The following SLC39A11 variants were observed in gnomAD, a reference collection of about 807,000 sequenced individuals.
SLC39A11 encodes the protein solute carrier family 39 member 11, also known as zinc transporter ZIP11.
A neutral mutation model predicts 36.1 loss-of-function variants in SLC39A11; 33 were observed. The observed-to-expected ratio is 0.91, with a 90% confidence interval of 0.69 to 1.22. The LOEUF is 1.22. Among genes scored for constraint, SLC39A11 ranks in the 50% most tolerant of loss-of-function variants. The pLI is 0.00. For missense variants in SLC39A11, 432 were observed against 430.3 expected, an observed-to-expected ratio of 1.00 and a Z score of -0.03; for synonymous variants, 166 against 170.3, an observed-to-expected ratio of 0.97 and a Z score of 0.20.
rs1269345784 is a variant in SLC39A11 at position 72,759,124 on chromosome 17, A to AATG, written c.602-22406_602-22405insCAT. Among the ~76,000 whole-genome samples, 3 of 151,716 alleles carry AATG rather than the reference A, an allele frequency of 2.0e-5. No homozygotes were observed. In the East Asian group the frequency reaches 5.8e-4, roughly 29 times the overall value. ...TAAAAATAATAACAATAATAATAATAATAATAAATAATCTTGGAAAACAAT... is the reference window on the plus strand; with the variant it reads ...TAAAAATAATAACAATAATAATAATAATGATAATAAATAATCTTGGAAAACAAT... On this transcript the variant is annotated intron_variant, in intron 6 of 9. Transcript: ENST00000255559.
intron 3 of SLC39A11, among the ~76,000 whole-genome samples, chr17:73,050,528 A>G (rs1050453560): frequency 1.3e-5 from 2 of 150,164 alleles, no homozygotes; most frequent in Non-Finnish European, 3.0e-5. Flanking sequence ...CAGTGGCTCA[A>G]TCTTGGCTCA....
chr17:72,659,574 C>CTTTT lies in SLC39A11; in HGVS notation c.672-10310_672-10307dup, dbSNP rs34383683. Among the ~76,000 whole-genome samples the CTTTT allele has an allele frequency of 8.1e-3, 494 of 61,182 alleles. 18 individuals carry two copies. The highest frequency in any genetic ancestry group is 0.017 in the Middle Eastern group (1 of 60). The allele number at this position is 61,182 out of a possible 152,430, so 40.1% of individuals were successfully genotyped here. On this transcript the variant is annotated intron_variant, in intron 7 of 9. Transcript: ENST00000255559. Reference sequence around the variant, plus strand: ...TCTCTTACACGTGTCCTCTGTGACTCTTTTTTTTTTTTTTTTTTTTTTTTT... The same window carrying CTTTT: ...TCTCTTACACGTGTCCTCTGTGACTCTTTTTTTTTTTTTTTTTTTTTTTTTTTTT...
At chr17:72,861,715 GAT>G (rs1158487163) in intron 5 of SLC39A11, among the ~76,000 whole-genome samples, 3 of 52,074 alleles carry the variant, frequency 5.8e-5, no homozygotes, top group Non-Finnish European at 1.2e-4. Flanking sequence ...ATATATATAG[GAT>G]ATATATATAC....
chr17:72,861,667 AT>A (rs1352838867), intron 5 of SLC39A11, among the ~76,000 whole-genome samples: 1,344 of 109,742 alleles, frequency 0.012, 88 homozygotes, highest in African/African-American at 0.043. Flanking sequence ...TTATATATAT[AT>A]ATATATATAT....
At chr17:73,087,223 T>C (rs1386531623) in intron 2 of SLC39A11, among the ~76,000 whole-genome samples, 1 of 152,158 alleles carries the variant, frequency 6.6e-6, no homozygotes, top group Non-Finnish European at 1.5e-5. Context: ...AGATAAACCA[T>C]GTTTCTGGAT....
intron 3 of SLC39A11, among the ~76,000 whole-genome samples, chr17:73,052,060 C>G (rs187325957): frequency 6.6e-6 from 1 of 151,772 alleles, no homozygotes; most frequent in South Asian, 2.1e-4. Flanking sequence ...ACAAAATGAG[C>G]TCATCTGTGT....
intron 7 of SLC39A11, among the ~76,000 whole-genome samples, chr17:72,721,296 C>A (rs1431417564): frequency 6.6e-6 from 1 of 151,942 alleles, no homozygotes; most frequent in African/African-American, 2.4e-5. Flanking sequence ...GGGGTTTCAC[C>A]ATGTTGGCCA....
intron 7 of SLC39A11, among the ~76,000 whole-genome samples, chr17:72,719,258 GA>G (rs1461770661): frequency 6.6e-6 from 1 of 151,962 alleles, no homozygotes. Flanking sequence ...AAGCAATCCT[GA>G]ATCTGCCTCT....
intron 3 of SLC39A11, among the ~76,000 whole-genome samples, chr17:73,039,319 G>A (rs552891022): frequency 5.8e-4 from 88 of 152,090 alleles, no homozygotes; most frequent in Admixed American, 3.8e-3. Context: ...CTTCTAAGGC[G>A]GCTCTTTTCC....
rs1159798165 is a variant in SLC39A11, at chr17:73,004,151, GAAAGAAGGAAAA to G, written c.306+27393_306+27404del. ...GAAAGGAAAGAAAGGAAGAAAGAAA[GAAAGAAGGAAAA>G]AAAGAAAGAAAGAAAGAAAGAAAGA... is the stretch of plus-strand genomic sequence containing the variant. On this transcript the variant is annotated intron_variant, in intron 4 of 9. Transcript: ENST00000255559. 4.0e-4 allele frequency among the ~76,000 whole-genome samples: 52 copies of G among 130,058 alleles called. 1 individual carries two copies. The highest frequency in any genetic ancestry group is 1.2e-3 in the Admixed American group (15 of 12,182). 85.3% of individuals were successfully genotyped at this position (130,058 alleles called of 152,430 possible).
At chr17:72,653,025 G>A (rs2069925254) in intron 7 of SLC39A11, among the ~76,000 whole-genome samples, 1 of 152,136 alleles carries the variant, frequency 6.6e-6, no homozygotes, top group African/African-American at 2.4e-5. Context: ...CCTGGGCACA[G>A]AGGAGGGGAG....
At chr17:72,955,554 C>T (rs2086200753) in intron 4 of SLC39A11, among the ~76,000 whole-genome samples, 1 of 149,904 alleles carries the variant, frequency 6.7e-6, no homozygotes, top group Admixed American at 6.7e-5. Flanking sequence ...AGTGATCCAT[C>T]CTCCGCAGCC....
At chr17:72,756,823 A>AG (rs767649263) in intron 6 of SLC39A11, among the ~76,000 whole-genome samples, 2 of 152,138 alleles carry the variant, frequency 1.3e-5, no homozygotes, top group African/African-American at 2.4e-5. Flanking sequence ...ATATTTGGGG[A>AG]GAAAAAAAAC....
At chr17:72,753,578 G>A (rs1052810282) in intron 6 of SLC39A11, among the ~76,000 whole-genome samples, 16 of 151,818 alleles carry the variant, frequency 1.1e-4, no homozygotes, top group Non-Finnish European at 2.9e-5. Flanking sequence ...ATGTTCTTCT[G>A]TCTCCTGGGC....
chr17:72,786,371 A>T (rs2076515423), intron 6 of SLC39A11, among the ~76,000 whole-genome samples: 3 of 152,218 alleles, frequency 2.0e-5, no homozygotes, highest in Admixed American at 2.0e-4. Flanking sequence ...TTTTACACTT[A>T]TCTTCCTGTC....
chr17:72,744,071 A>C (rs777420547), intron 6 of SLC39A11, among the ~76,000 whole-genome samples: 10 of 152,112 alleles, frequency 6.6e-5, no homozygotes, highest in Non-Finnish European at 1.5e-4. Context: ...CCATCCCTCC[A>C]TGGCCTCCTC....
intron 6 of SLC39A11, among the ~76,000 whole-genome samples, chr17:72,815,960 T>C (rs1598850928): frequency 6.6e-6 from 1 of 152,334 alleles, no homozygotes; most frequent in Middle Eastern, 3.4e-3. Flanking sequence ...GTTGTTGTTG[T>C]ACCTGTGCTG....
At position 72,698,899 on chromosome 17, in the gene SLC39A11, C is replaced by T. The variant is rs138118164; in HGVS notation, c.671+37751G>A. On this transcript the variant is annotated intron_variant, in intron 7 of 9. Transcript: ENST00000255559. The stretch of plus-strand genomic sequence containing the variant: ...AGGCTGGAGTGCAGTGGCGTGATCT[C>T]GGCTCACTGCAAGCTCTGCTTCCTG... 6.1e-3 allele frequency among the ~76,000 whole-genome samples: 923 copies of T among 152,180 alleles called. 6 individuals carry two copies. The highest frequency in any genetic ancestry group is 9.5e-3 in the Non-Finnish European group (643 of 67,996).
chr17:73,026,187 G>GATAGA, intron 4 of SLC39A11, among the ~76,000 whole-genome samples: 1 of 3,600 alleles, frequency 2.8e-4, no homozygotes, highest in Non-Finnish European at 1.2e-3. Context: ...AGAAAGAGAA[G>GATAGA]AGAGAAGAGA....
Sources: allele counts gnomAD v4.1 joint callset (sites outside exome capture counted in the v4.1 genomes callset), GRCh38; gene constraint gnomAD v4.1.1; transcripts MANE v1.5; gene names NCBI Gene and HGNC (gene_info 2026-07-23, HGNC 2026-07-21).